The following TM9SF4 variants were observed in gnomAD, a reference collection of about 807,000 sequenced individuals.
TM9SF4 encodes transmembrane 9 superfamily member 4.
A neutral mutation model predicts 90.4 loss-of-function variants in TM9SF4; 26 were observed. The ratio of observed to expected loss-of-function variants is 0.29; its 90% CI spans 0.21 to 0.40. The LOEUF is 0.40. Among genes scored for constraint, TM9SF4 ranks in the 10% least tolerant of loss-of-function variants. The pLI is 1.00. For missense variants in TM9SF4, 549 were observed against 834.8 expected, an observed-to-expected ratio of 0.66 and a Z score of 4.22; for synonymous variants, 293 against 315.4, an observed-to-expected ratio of 0.93 and a Z score of 0.75.
chr20:32,146,924 G>A, intron 9 of TM9SF4, 69 bp downstream of exon 9: 1 of 1,399,452 alleles, frequency 7.1e-7, no homozygotes, highest in Non-Finnish European at 1.0e-6. Context: ...GTGTGCATAT[G>A]TTTGTGTATA....
intron 5 of TM9SF4, 95 bp downstream of exon 5, chr20:32,141,990 A>C (rs1293159469): frequency 6.4e-7 from 1 of 1,566,244 alleles, no homozygotes; most frequent in East Asian, 2.3e-5. Flanking sequence ...CGGCCACAGC[A>C]AGTTTCTCCA....
At chr20:32,125,674 CTTTT>C (rs1569058260) in intron 1 of TM9SF4, among the ~76,000 whole-genome samples, 2 of 133,606 alleles carry the variant, frequency 1.5e-5, no homozygotes, top group Non-Finnish European at 3.1e-5. Flanking sequence ...AGTGATTTCT[CTTTT>C]TTCTTTTTTT....
intron 17 of TM9SF4, among the ~76,000 whole-genome samples, chr20:32,161,932 T>C (rs1302559363): frequency 6.6e-6 from 1 of 152,150 alleles, no homozygotes; most frequent in Non-Finnish European, 1.5e-5. Flanking sequence ...CCCTCCTAAC[T>C]CTGTGACCCC....
At chr20:32,142,913 AG>A in intron 5 of TM9SF4, 68 bp from the exon 6 acceptor site, 1 of 1,552,934 alleles carries the variant, frequency 6.4e-7, no homozygotes, top group South Asian at 1.1e-5. Context: ...GGGTGAGGCA[AG>A]GGCCCTAATA....
At position 32,150,835 on chromosome 20, in the gene TM9SF4, G is replaced by A. The variant is rs143357586; in HGVS notation, c.1205G>A (p.Arg402His). Residue 402 changes from arginine (R) to histidine (H), a missense_variant, in exon 12 of 18, where the codon CGC becomes CAC. Physicochemically the swap from Arg to His is conservative, Grantham distance 29. Around this residue, in one of 2 missense-constraint regions of TM9SF4, gnomAD observed 495 missense variants for 711.7 expected, o/e 0.70. Coordinates refer to ENST00000398022, the MANE Select transcript of TM9SF4 (RefSeq NM_014742.4). ...GGATTTTCTGCTGGCCGTCTGTACC[G>A]CACTTTAAAAGGCCATCGGTGGAAG... Reference protein sequence around the residue: ...FGGFSAGRLYRTLKGHRWKKG... With the variant: ...FGGFSAGRLYHTLKGHRWKKG... The A allele has an allele frequency of 1.1e-5, 17 of 1,614,048 alleles. No individual in the cohort carries two copies. The highest frequency in any genetic ancestry group is 6.7e-5 in the African/African-American group (5 of 74,906).
chr20:32,114,776 T>C (rs1193272733), intron 1 of TM9SF4, among the ~76,000 whole-genome samples: 2 of 152,234 alleles, frequency 1.3e-5, no homozygotes, highest in African/African-American at 2.4e-5. Context: ...CAGGAGGACA[T>C]GAGCTGACTG....
intron 1 of TM9SF4, among the ~76,000 whole-genome samples, chr20:32,115,381 G>A (rs2122305439): frequency 6.6e-6 from 1 of 152,308 alleles, no homozygotes; most frequent in South Asian, 2.1e-4. Flanking sequence ...AAAAAGGTGG[G>A]AAGGACCCAG....
chr20:32,137,187 T>TA, intron 3 of TM9SF4, among the ~76,000 whole-genome samples: 1 of 152,364 alleles, frequency 6.6e-6, no homozygotes, highest in East Asian at 1.9e-4. Context: ...CCCTGCCACT[T>TA]ACCATCTGTG....
At chr20:32,145,691 G>A (rs115712799) in intron 8 of TM9SF4, among the ~76,000 whole-genome samples, 50 of 152,308 alleles carry the variant, frequency 3.3e-4, no homozygotes, top group African/African-American at 1.1e-3. Context: ...TGTTGTTGTT[G>A]CTCATTCTGT....
intron 10 of TM9SF4, 110 bp downstream of exon 10, chr20:32,149,876 C>G (rs965910547): frequency 4.8e-6 from 7 of 1,455,082 alleles, no homozygotes; most frequent in Non-Finnish European, 6.5e-6. Flanking sequence ...AAGCTCCTGG[C>G]ACCAAGTGGG....
At position 32,165,927 on chromosome 20, in the gene TM9SF4, T is replaced by C; in HGVS notation, c.*483T>C. The C allele has an allele frequency of 6.2e-6, 1 of 162,220 alleles. No individual in the cohort carries two copies. The highest frequency in any genetic ancestry group is 1.4e-5 in the Non-Finnish European group (1 of 73,564). 10.0% of individuals were successfully genotyped at this position (162,220 alleles called of 1,614,324 possible). A position where few individuals can be genotyped will look rare whatever the true frequency, so the allele number is the denominator to read the frequency against. On this transcript the variant is annotated 3_prime_UTR_variant, in exon 18 of 18. Transcript: ENST00000398022. ...TTTCCGAGCCTCTCCCTGCCCATCCTCACCACTGAGGCCACGACAAAGCAC... is the reference window on the plus strand; with the variant it reads ...TTTCCGAGCCTCTCCCTGCCCATCCCCACCACTGAGGCCACGACAAAGCAC...
rs1172358312 is a variant in TM9SF4 at position 32,149,780 on chromosome 20, G to A, written c.1087+14G>A. On this transcript the variant is annotated intron_variant, in intron 10 of 17. Coordinates refer to ENST00000398022, the MANE Select transcript of TM9SF4 (RefSeq NM_014742.4). ...TCATCGTCATCTGTGAGTGTGCCCA[G>A]CGGGGCCGGGCATGGGGGCATGGCT... 1 of 1,613,404 alleles carries A rather than the reference G, an allele frequency of 6.2e-7. No individual in the cohort carries two copies. Among genetic ancestry groups the A allele is most frequent in the South Asian group, 1.1e-5 (1 of 91,040 alleles).
chr20:32,130,427 G>A (rs947839677), intron 1 of TM9SF4, among the ~76,000 whole-genome samples: 2 of 152,158 alleles, frequency 1.3e-5, no homozygotes, highest in Non-Finnish European at 2.9e-5. Context: ...TGGAATTCAG[G>A]AACAGAGGGG....
Position 32,163,260 on chromosome 20 carries a change from A to C in TM9SF4, c.1779+1895A>C, listed in dbSNP as rs1409178458. 1.9e-4 allele frequency among the ~76,000 whole-genome samples: 20 copies of C among 104,546 alleles called. 1 individual carries two copies. Among genetic ancestry groups the C allele is most frequent in the African/African-American group, 7.6e-4 (19 of 25,078 alleles). 68.6% of individuals were successfully genotyped at this position (104,546 alleles called of 152,430 possible). A position where few individuals can be genotyped will look rare whatever the true frequency, so the allele number is the denominator to read the frequency against. On this transcript the variant is annotated intron_variant, in intron 17 of 17. Coordinates refer to ENST00000398022, the MANE Select transcript of TM9SF4 (RefSeq NM_014742.4). ...GACTCCATCTCAAAAAAAAAAAAAA[A>C]AAAAAAAAATATATATATATATATA...
chr20:32,130,477 A>G (rs2046494402), intron 1 of TM9SF4, among the ~76,000 whole-genome samples: 2 of 152,196 alleles, frequency 1.3e-5, no homozygotes, highest in South Asian at 2.1e-4. Flanking sequence ...TTTCTCTCAC[A>G]TGACACACTT....
At chr20:32,140,567 G>T (rs536713640) in intron 3 of TM9SF4, among the ~76,000 whole-genome samples, 1 of 152,306 alleles carries the variant, frequency 6.6e-6, no homozygotes, top group African/African-American at 2.4e-5. Flanking sequence ...AGCGTTTGAT[G>T]CCTGCCTACT....
At chr20:32,115,807 CTTTTTT>C (rs386393622) in intron 1 of TM9SF4, among the ~76,000 whole-genome samples, 2 of 95,166 alleles carry the variant, frequency 2.1e-5, no homozygotes, top group African/African-American at 4.8e-5. Context: ...CCACTTTAAG[CTTTTTT>C]TTTTTTTTTT....
At chr20:32,154,744 C>T (rs569992904) in intron 12 of TM9SF4, among the ~76,000 whole-genome samples, 8 of 152,212 alleles carry the variant, frequency 5.3e-5, no homozygotes, top group Admixed American at 3.3e-4. Context: ...TGAGCCACCA[C>T]GCCTGGCCAG....
Position 32,164,106 on chromosome 20 carries a change from G to A in TM9SF4, c.1780-1189G>A, listed in dbSNP as rs151202420. The stretch of plus-strand genomic sequence containing the variant: ...TCTTCCTCCAGCCCCAATGCCTTAT[G>A]TATAAAATGAGGAACTTTCTGGCTC... On this transcript the variant is annotated intron_variant, in intron 17 of 17. Transcript: ENST00000398022. 3.7e-3 allele frequency among the ~76,000 whole-genome samples: 563 copies of A among 152,208 alleles called. 3 individuals are homozygous for A. The highest frequency in any genetic ancestry group is 0.01 in the Middle Eastern group (3 of 294).
Sources: gnomAD v4.1 joint callset for allele counts (sites outside exome capture counted in the v4.1 genomes callset) on GRCh38, gnomAD v4.1.1 for gene constraint, gnomAD v4.1.1 regional missense constraint, MANE v1.5 for transcripts, NCBI Gene and HGNC (gene_info 2026-07-23, HGNC 2026-07-21) for gene names.